Variants in MYO5B observed in about 807,000 individuals in gnomAD.
MYO5B encodes the protein myosin VB, also known as unconventional myosin-Vb.
In MYO5B, 143 loss-of-function variants were observed where a neutral mutation model predicts 229.3. The ratio of observed to expected loss-of-function variants is 0.62; its 90% CI spans 0.54 to 0.72. The LOEUF is 0.72. MYO5B is among the 30% of genes least tolerant of loss of function. The pLI is 0.00. For synonymous variants in MYO5B, 918 were observed against 885.2 expected (o/e 1.04, Z -0.66); for missense variants, 2,321 against 2,331.0 (o/e 1.00, Z 0.09).
At chr18:49,826,650 A>C in intron 39 of MYO5B, 27 bp from the exon 40 acceptor site, 1 of 1,611,890 alleles carries the variant, frequency 6.2e-7, no homozygotes, top group South Asian at 1.1e-5. Context: ...GACCATGTAA[A>C]GTTTGAGTAC....
intron 37 of MYO5B, 36 bp from the exon 38 acceptor site, chr18:49,836,921 G>T (rs771766425): frequency 1.9e-6 from 3 of 1,603,782 alleles, no homozygotes; most frequent in Non-Finnish European, 1.7e-6. Flanking sequence ...ATGTTAAGCC[G>T]GTCCTCCTAA....
chr18:49,975,530 G>C (rs554272970), intron 9 of MYO5B, among the ~76,000 whole-genome samples: 4 of 152,208 alleles, frequency 2.6e-5, no homozygotes, highest in Admixed American at 2.6e-4. Flanking sequence ...CATAGAAACT[G>C]AACTTTTTTT....
chr18:49,937,535 G>T, intron 14 of MYO5B, 138 bp from the exon 15 acceptor site: 1 of 1,011,898 alleles, frequency 9.9e-7, no homozygotes, highest in Non-Finnish European at 1.5e-6. Flanking sequence ...AACCTGCACA[G>T]CAGCGTTACT....
chr18:49,995,349 G>A (rs1006299112), intron 5 of MYO5B, among the ~76,000 whole-genome samples: 2 of 149,050 alleles, frequency 1.3e-5, no homozygotes, highest in Non-Finnish European at 3.0e-5. Flanking sequence ...CTGTCTCCCA[G>A]GTTCACGCCA....
At chr18:50,175,710 T>G (rs7244611) in intron 1 of MYO5B, among the ~76,000 whole-genome samples, 2 of 152,218 alleles carry the variant, frequency 1.3e-5, no homozygotes, top group Admixed American at 6.5e-5. Context: ...AAGGTCAAAT[T>G]CTTACTCAAA....
chr18:49,893,777 G>A (rs1214907896), intron 22 of MYO5B, among the ~76,000 whole-genome samples: 3 of 152,228 alleles, frequency 2.0e-5, no homozygotes, highest in Non-Finnish European at 4.4e-5. Flanking sequence ...TGCAAGCCCA[G>A]CACATGCTGG....
At chr18:50,082,224 A>C (rs1362813228) in intron 1 of MYO5B, among the ~76,000 whole-genome samples, 2 of 152,186 alleles carry the variant, frequency 1.3e-5, no homozygotes, top group Non-Finnish European at 2.9e-5. Flanking sequence ...TGCCAGACAT[A>C]AGTCCTCACT....
chr18:50,043,399 ATATTAAATATTAAATAT>A, intron 2 of MYO5B, among the ~76,000 whole-genome samples: 1 of 49,856 alleles, frequency 2.0e-5, no homozygotes, highest in South Asian at 5.7e-4. Flanking sequence ...ATATTTAAAT[ATATTAAATATTAAATAT>A]TTAAATATAT....
intron 4 of MYO5B, among the ~76,000 whole-genome samples, chr18:50,023,237 G>A (rs1456630496): frequency 6.6e-6 from 1 of 151,942 alleles, no homozygotes; most frequent in Admixed American, 6.6e-5. Flanking sequence ...CTCAGTTCTA[G>A]AGGAAAGAGC....
At chr18:50,169,831 CT>C (rs1422561253) in intron 1 of MYO5B, among the ~76,000 whole-genome samples, 1 of 127,438 alleles carries the variant, frequency 7.8e-6, no homozygotes, top group African/African-American at 3.0e-5. Context: ...CACCTTTCCA[CT>C]TGCTTTCCAC....
chr18:49,860,237 T>G lies in MYO5B; in HGVS notation c.3944+2990A>C, dbSNP rs117659006. ...AGAGCCCTGGCCACACTCCTGCCCC[T>G]ACCTAACTCTGACTTTAAGTGCTCA... On this transcript the variant is annotated intron_variant, in intron 29 of 39. Coordinates refer to ENST00000285039, the MANE Select transcript of MYO5B (RefSeq NM_001080467.3). Among the ~76,000 whole-genome samples, 121 of 152,248 alleles carry G rather than the reference T, an allele frequency of 7.9e-4. No homozygotes were observed. In the East Asian group the frequency reaches 0.017, roughly 21 times the overall value.
chr18:49,881,907 T>C (rs962764413), intron 22 of MYO5B, among the ~76,000 whole-genome samples: 2 of 152,212 alleles, frequency 1.3e-5, no homozygotes, highest in Non-Finnish European at 2.9e-5. Context: ...AATTCAGCTG[T>C]GTTCTAAGAG....
intron 17 of MYO5B, among the ~76,000 whole-genome samples, chr18:49,913,429 T>G (rs1327661453): frequency 6.6e-6 from 1 of 152,210 alleles, no homozygotes; most frequent in Non-Finnish European, 1.5e-5. Flanking sequence ...CAATCCCTAC[T>G]CTAAGGAGAC....
chr18:49,906,467 C>G lies in MYO5B; in HGVS notation c.2366G>C (p.Gly789Ala). ...LQKVKYHRLKGATLTLQRYCR... is the reference protein window; with the variant it reads ...LQKVKYHRLKAATLTLQRYCR... Reference sequence around the variant, plus strand: ...GTACCTCTGCAGGGTTAAGGTAGCCCCCTTCAGCCTGTGATATTTCACCTT... The same window carrying G: ...GTACCTCTGCAGGGTTAAGGTAGCCGCCTTCAGCCTGTGATATTTCACCTT... Residue 789 changes from glycine (G) to alanine (A), a missense_variant, in exon 19 of 40, where the codon GGG becomes GCG. Physicochemically the swap from Gly to Ala is moderately conservative, Grantham distance 60. Coordinates refer to ENST00000285039, the MANE Select transcript of MYO5B (RefSeq NM_001080467.3). 6.2e-7 allele frequency: 1 copy of G among 1,614,130 alleles called. No homozygotes were observed. The highest frequency in any genetic ancestry group is 1.1e-5 in the South Asian group (1 of 91,078).
At chr18:50,080,418 C>T (rs201689736) in intron 1 of MYO5B, among the ~76,000 whole-genome samples, 2 of 152,150 alleles carry the variant, frequency 1.3e-5, no homozygotes, top group East Asian at 3.9e-4. Flanking sequence ...TCACTCTACG[C>T]CAATTTCTCT....
At chr18:49,882,291 A>G (rs969151361) in intron 22 of MYO5B, among the ~76,000 whole-genome samples, 6 of 152,108 alleles carry the variant, frequency 3.9e-5, no homozygotes, top group Non-Finnish European at 7.4e-5. Context: ...TTTCACAGCC[A>G]CACAGATCCT....
chr18:49,850,742 G>C (rs1008286124), intron 31 of MYO5B: 1 of 152,412 alleles, frequency 6.6e-6, no homozygotes, highest in Non-Finnish European at 1.5e-5. Context: ...TCCCCTGTTA[G>C]GTGCCTTGCC....
At chr18:49,846,388 T>C (rs539557722) in intron 33 of MYO5B, among the ~76,000 whole-genome samples, 1 of 152,204 alleles carries the variant, frequency 6.6e-6, no homozygotes, top group Admixed American at 6.5e-5. Flanking sequence ...GGACCATGTA[T>C]GAGCAACGAA....
intron 32 of MYO5B, among the ~76,000 whole-genome samples, chr18:49,847,816 C>T (rs2024149718): frequency 6.6e-6 from 1 of 152,262 alleles, no homozygotes; most frequent in Non-Finnish European, 1.5e-5. Flanking sequence ...GGCCTGGACA[C>T]TGTCTGTGAC....
Sources: gnomAD v4.1 joint callset for allele counts (sites outside exome capture counted in the v4.1 genomes callset) on GRCh38, gnomAD v4.1.1 for gene constraint, MANE v1.5 for transcripts, NCBI Gene and HGNC (gene_info 2026-07-23, HGNC 2026-07-21) for gene names.